The following SLC25A20 variants were observed in gnomAD, a reference collection of about 807,000 sequenced individuals.
SLC25A20 encodes the protein solute carrier family 25 member 20, also known as mitochondrial carnitine/acylcarnitine carrier protein.
A neutral mutation model predicts 39.7 loss-of-function variants in SLC25A20; 29 were observed. That is an observed-to-expected ratio of 0.73 (90% CI 0.54 to 1.00). The LOEUF is 1.00. SLC25A20 is among the 50% of genes least tolerant of loss of function. The pLI is 0.00. For missense variants in SLC25A20, 333 were observed against 379.9 expected (o/e 0.88, Z 1.03); for synonymous variants, 103 against 142.2 (o/e 0.72, Z 1.96).
intron 3 of SLC25A20, 27 bp downstream of exon 3, chr3:48,883,969 CA>C: frequency 6.2e-7 from 1 of 1,611,746 alleles, no homozygotes; most frequent in South Asian, 1.1e-5. Flanking sequence ...GGCAGAACAG[CA>C]AGTGCTCCTG....
chr3:48,891,913 T>C (rs1559672349), intron 2 of SLC25A20, 67 bp downstream of exon 2: 15 of 1,274,318 alleles, frequency 1.2e-5, no homozygotes, highest in Non-Finnish European at 1.6e-5. Flanking sequence ...CTACTCTCCT[T>C]GGGGGTAACA....
At chr3:48,884,523 T>C (rs1214683451) in intron 2 of SLC25A20, among the ~76,000 whole-genome samples, 2 of 152,022 alleles carry the variant, frequency 1.3e-5, no homozygotes, top group Non-Finnish European at 2.9e-5. Context: ...CTAATTTTTG[T>C]ATTTTTTGTA....
At chr3:48,866,001 G>A (rs576694208) in intron 4 of SLC25A20, among the ~76,000 whole-genome samples, 1 of 152,030 alleles carries the variant, frequency 6.6e-6, no homozygotes, top group African/African-American at 2.4e-5. Context: ...GGGCCTGGTA[G>A]CGTGTGCCTG....
rs147386956 is a variant in SLC25A20 at position 48,895,805 on chromosome 3, C to T, written c.105+2885G>A. ...GTCCTTCAGATCTCCCATAGTCAGGCATAACCTCCCCTAGTTAGTAGAGAG... is the reference window on the plus strand; with the variant it reads ...GTCCTTCAGATCTCCCATAGTCAGGTATAACCTCCCCTAGTTAGTAGAGAG... On this transcript the variant is annotated intron_variant, in intron 1 of 8. Coordinates refer to ENST00000319017, the MANE Select transcript of SLC25A20 (RefSeq NM_000387.6). 4.8e-5 allele frequency: 22 copies of T among 456,508 alleles called. No homozygotes were observed. The East Asian group carries it at 1.4e-3, about 29-fold the overall frequency. 28.3% of individuals were successfully genotyped at this position (456,508 alleles called of 1,614,324 possible). A position where few individuals can be genotyped will look rare whatever the true frequency, so the allele number is the denominator to read the frequency against.
intron 3 of SLC25A20, among the ~76,000 whole-genome samples, chr3:48,882,438 TC>T (rs2083801540): frequency 6.6e-6 from 1 of 152,186 alleles, no homozygotes; most frequent in Non-Finnish European, 1.5e-5. Flanking sequence ...GCTGTTCTTG[TC>T]TTTAGGGCAG....
At chr3:48,890,362 A>G (rs1386168224) in intron 2 of SLC25A20, among the ~76,000 whole-genome samples, 1 of 150,982 alleles carries the variant, frequency 6.6e-6, no homozygotes, top group African/African-American at 2.4e-5. Context: ...AATTTTTTGT[A>G]TTTTTTTTAG....
chr3:48,862,459 G>C, intron 5 of SLC25A20, 83 bp downstream of exon 5: 1 of 841,656 alleles, frequency 1.2e-6, no homozygotes, highest in Non-Finnish European at 2.1e-6. Context: ...AGGCTAATCT[G>C]GCAATCCAGG....
intron 4 of SLC25A20, among the ~76,000 whole-genome samples, chr3:48,872,567 T>C (rs140702685): frequency 6.6e-6 from 1 of 151,572 alleles, no homozygotes; most frequent in East Asian, 1.9e-4. Flanking sequence ...TATACAAAAA[T>C]TGGTCAGGCG....
At chr3:48,882,969 C>T (rs970116756) in intron 3 of SLC25A20, among the ~76,000 whole-genome samples, 1 of 150,384 alleles carries the variant, frequency 6.6e-6, no homozygotes, top group Admixed American at 6.7e-5. Flanking sequence ...GGGCGGATCA[C>T]GAGGTCAGGA....
At chr3:48,890,096 A>G (rs1462453906) in intron 2 of SLC25A20, among the ~76,000 whole-genome samples, 2 of 152,170 alleles carry the variant, frequency 1.3e-5, no homozygotes, top group Non-Finnish European at 2.9e-5. Flanking sequence ...GAGGCTGGAT[A>G]TTATCCAGGC....
intron 2 of SLC25A20, 130 bp from the exon 3 acceptor site, chr3:48,884,254 A>G: frequency 8.8e-7 from 1 of 1,131,552 alleles, no homozygotes. Context: ...AGAACTTTAA[A>G]TGGAAGAAAA....
chr3:48,865,587 C>T lies in SLC25A20; in HGVS notation c.418-2928G>A, dbSNP rs548395479. Among the ~76,000 whole-genome samples, 6 of 144,868 alleles carry T rather than the reference C, an allele frequency of 4.1e-5. No individual in the cohort carries two copies. In the East Asian group the frequency reaches 1.2e-3, roughly 29 times the overall value. On this transcript the variant is annotated intron_variant, in intron 4 of 8. Coordinates refer to ENST00000319017, the MANE Select transcript of SLC25A20 (RefSeq NM_000387.6). ...ACCAGCCTGGTCAACATGGTGAAACCCTGTTTCTAAAAAAAAAAAAAAAAA... is the reference window on the plus strand; with the variant it reads ...ACCAGCCTGGTCAACATGGTGAAACTCTGTTTCTAAAAAAAAAAAAAAAAA...
At chr3:48,866,958 T>A (rs2083674782) in intron 4 of SLC25A20, among the ~76,000 whole-genome samples, 1 of 151,648 alleles carries the variant, frequency 6.6e-6, no homozygotes, top group Non-Finnish European at 1.5e-5. Flanking sequence ...CATGCCTGGC[T>A]AATTTCTTGT....
chr3:48,859,182 G>A lies in SLC25A20; in HGVS notation c.628C>T (p.Pro210Ser). The A allele has an allele frequency of 6.2e-7, 1 of 1,613,942 alleles. No homozygotes were observed. Among genetic ancestry groups the A allele is most frequent in the South Asian group, 1.1e-5 (1 of 91,044 alleles). The change falls in exon 7 of 9, where the codon CCT becomes TCT. Residue 210 changes from proline to serine, a missense_variant. Transcript: ENST00000319017. ...ATGCCCCCAGCCACCAAGATCCGAG[G>A]GGCACTGAGCTCACTGACCCTGTAT... ...EGKRVSELSA[P>S]RILVAGGIAG... is the part of the protein sequence containing the mutation.
chr3:48,873,777 A>T (rs2083735155), intron 4 of SLC25A20, among the ~76,000 whole-genome samples: 1 of 148,982 alleles, frequency 6.7e-6, no homozygotes, highest in Non-Finnish European at 1.5e-5. Context: ...CAGGAGATCG[A>T]GATCACGGTG....
At chr3:48,859,423 C>G in intron 6 of SLC25A20, 132 bp downstream of exon 6, 1 of 891,294 alleles carries the variant, frequency 1.1e-6, no homozygotes, top group Non-Finnish European at 1.9e-6. Flanking sequence ...GCTAGCTGGA[C>G]CTCAGCAGCC....
rs58122933 is a variant in SLC25A20 at position 48,867,411 on chromosome 3, AT to A, written c.418-4753del. Among the ~76,000 whole-genome samples, 90 of 108,384 alleles carry A rather than the reference AT, an allele frequency of 8.3e-4. 2 individuals are homozygous for A. The highest frequency in any genetic ancestry group is 1.3e-3 in the Admixed American group (11 of 8,682). The allele number at this position is 108,384 out of a possible 152,430, so 71.1% of individuals were successfully genotyped here. On this transcript the variant is annotated intron_variant, in intron 4 of 8. Coordinates refer to ENST00000319017, the MANE Select transcript of SLC25A20 (RefSeq NM_000387.6). ...CAGGATGCGCCACCATGCCTGGGTA[AT>A]TTTTTTTTTTTTTTGTATTTTTAGT...
intron 5 of SLC25A20, among the ~76,000 whole-genome samples, chr3:48,860,970 A>G (rs1418077960): frequency 6.6e-6 from 1 of 150,800 alleles, no homozygotes; most frequent in Non-Finnish European, 1.5e-5. Context: ...AGTAGCTGGG[A>G]TGCATGCGCC....
intron 1 of SLC25A20, among the ~76,000 whole-genome samples, chr3:48,897,371 T>A (rs199509016): frequency 0.017 from 2,309 of 132,624 alleles, 42 homozygotes; most frequent in African/African-American, 0.045. Context: ...ATATATATTT[T>A]TTTTTTTTTT....
Sources: allele counts gnomAD v4.1 joint callset (sites outside exome capture counted in the v4.1 genomes callset), GRCh38; gene constraint gnomAD v4.1.1; transcripts MANE v1.5; gene names NCBI Gene and HGNC (gene_info 2026-07-23, HGNC 2026-07-21).